The following ERO1A variants were observed in gnomAD, a reference collection of about 807,000 sequenced individuals.
ERO1A encodes the protein endoplasmic reticulum oxidoreductase 1 alpha.
A neutral mutation model predicts 76.9 loss-of-function variants in ERO1A; 49 were observed. The observed-to-expected ratio is 0.64, with a 90% CI of 0.51 to 0.81. The LOEUF is 0.81. Ranked by LOEUF, ERO1A falls within the 30% of genes least tolerant of loss-of-function variation. The pLI is 0.00. For missense variants in ERO1A, 448 were observed against 542.1 expected (o/e 0.83, Z 1.72); for synonymous variants, 174 against 181.2 (o/e 0.96, Z 0.32).
chr14:52,661,331 A>C (rs1181104788), intron 8 of ERO1A, 27 bp from the exon 9 acceptor site: 1 of 1,417,478 alleles, frequency 7.1e-7, no homozygotes, highest in East Asian at 2.6e-5. Flanking sequence ...AATGTTTATT[A>C]AAATAAATTC....
At chr14:52,652,544 T>A (rs977075354) in intron 12 of ERO1A, among the ~76,000 whole-genome samples, 1 of 152,050 alleles carries the variant, frequency 6.6e-6, no homozygotes, top group African/African-American at 2.4e-5. Context: ...TAATACATTA[T>A]CAAATACTAA....
intron 1 of ERO1A, among the ~76,000 whole-genome samples, chr14:52,691,676 T>G (rs1324679048): frequency 3.3e-5 from 5 of 152,144 alleles, no homozygotes; most frequent in Admixed American, 3.3e-4. Flanking sequence ...ATTTTTGGAG[T>G]ATTTATTTTG....
rs781494554 is a variant in ERO1A at position 52,652,255 on chromosome 14, T to G, written c.1109A>C (p.Glu370Ala). 2.1e-5 allele frequency: 33 copies of G among 1,606,534 alleles called. No homozygotes were observed. Among genetic ancestry groups the G allele is most frequent in the African/African-American group, 4.0e-5 (3 of 74,776 alleles). The change falls in exon 13 of 16, where the codon GAA (glutamate) becomes GCA (alanine). Residue 370 changes from glutamate to alanine, a missense_variant. Physicochemically the swap from Glu to Ala is moderately radical, Grantham distance 107. Transcript: ENST00000395686. Reference sequence around the variant, plus strand: ...AGTAATTACCTTTAGTTTGTGTGCTTCTTTTTTATCCCCAGCAAAAAATGA... The same window carrying G: ...AGTAATTACCTTTAGTTTGTGTGCTGCTTTTTTATCCCCAGCAAAAAATGA... ...ENSFFAGDKK[E>A]AHKLKEDFRL... is the part of the protein sequence containing the mutation.
chr14:52,679,180 C>A (rs957878701), intron 3 of ERO1A, among the ~76,000 whole-genome samples: 1 of 152,070 alleles, frequency 6.6e-6, no homozygotes, highest in Admixed American at 6.6e-5. Flanking sequence ...AAATAAGCCT[C>A]TTTTCTTTAT....
At chr14:52,684,150 C>CACACAGAGAG (rs879218530) in intron 1 of ERO1A, among the ~76,000 whole-genome samples, 1 of 139,278 alleles carries the variant, frequency 7.2e-6, no homozygotes, top group Non-Finnish European at 1.6e-5. Context: ...CACACACACA[C>CACACAGAGAG]AGAGAGAGTT....
At position 52,640,158 on chromosome 14, in the gene ERO1A, AC is replaced by A. The variant is rs1172586536; in HGVS notation, c.*3411del. On this transcript the variant is annotated 3_prime_UTR_variant, in exon 16 of 16. Transcript: ENST00000395686. ...TCCTTTTCCTGCCCTTAAGGAGCTCACATTCTAGTAAAGACTTTTGAAAAAT... is the reference window on the plus strand; with the variant it reads ...TCCTTTTCCTGCCCTTAAGGAGCTCAATTCTAGTAAAGACTTTTGAAAAAT... 1 of 152,264 alleles carries A rather than the reference AC, an allele frequency of 6.6e-6. No homozygotes were observed. Among genetic ancestry groups the A allele is most frequent in the African/African-American group, 2.4e-5 (1 of 41,470 alleles). The allele number at this position is 152,264 out of a possible 1,614,324, so 9.4% of individuals were successfully genotyped here.
chr14:52,680,431 C>G (rs975831496), intron 3 of ERO1A, among the ~76,000 whole-genome samples: 4 of 152,096 alleles, frequency 2.6e-5, no homozygotes, highest in Admixed American at 6.6e-5. Flanking sequence ...ATGGTGTCCC[C>G]TAGTTCTACA....
chr14:52,657,966 GC>G lies in ERO1A; in HGVS notation c.758del (p.Gly253AlafsTer10). The G allele has an allele frequency of 6.2e-7, 1 of 1,612,276 alleles. No homozygotes were observed. The highest frequency in any genetic ancestry group is 8.5e-7 in the Non-Finnish European group (1 of 1,179,214). On this transcript the variant is annotated frameshift_variant, in exon 11 of 16. Transcript: ENST00000395686. LOFTEE classifies it high-confidence loss of function. ...EKRAFYRLIS[G>X]LHASINVHLS... ...AATGCACATTAATGCTTGCATGTAG[GC>G]CAGATATAAGTCTGTAGAATGCTCT...
intron 6 of ERO1A, among the ~76,000 whole-genome samples, chr14:52,670,956 T>C (rs1797681168): frequency 6.6e-6 from 1 of 152,216 alleles, no homozygotes; most frequent in Non-Finnish European, 1.5e-5. Context: ...TTGCCAGAAC[T>C]TTTCCAGCAC....
chr14:52,663,663 G>A (rs1033432949), intron 8 of ERO1A, 138 bp downstream of exon 8: 21 of 523,170 alleles, frequency 4.0e-5, no homozygotes, highest in Non-Finnish European at 4.9e-5. Context: ...CTCTGCAAGC[G>A]TGAGGCATAA....
chr14:52,646,395 G>A lies in ERO1A; in HGVS notation c.1192C>T (p.Arg398Cys), dbSNP rs758333053. ...IMDCVGCFKCRLWGKLQTQGL... is the reference protein window; with the variant it reads ...IMDCVGCFKCCLWGKLQTQGL... The stretch of plus-strand genomic sequence containing the variant: ...CTTACCTGAAGCTTTCCCCACAGAC[G>A]ACATTTAAAACAACCAACACAATCC... The change falls in exon 14 of 16, where the codon CGT (arginine) becomes TGT (cysteine). Residue 398 changes from arginine (R) to cysteine (C), a missense_variant. By Grantham distance (180) the Arg-to-Cys change is radical. Transcript: ENST00000395686. 46 of 1,613,236 alleles carry A rather than the reference G, an allele frequency of 2.9e-5. No homozygotes were observed. Among genetic ancestry groups the A allele is most frequent in the African/African-American group, 4.0e-5 (3 of 74,868 alleles).
At chr14:52,681,103 G>A (rs1016827272) in intron 3 of ERO1A, among the ~76,000 whole-genome samples, 5 of 152,014 alleles carry the variant, frequency 3.3e-5, no homozygotes, top group Middle Eastern at 3.2e-3. Flanking sequence ...AAAAACAAAC[G>A]GAACTAACAC....
In ERO1A at chr14:52,653,296, T is replaced by C; in HGVS notation, c.828A>G (p.Lys276=). ...GAAATTCTGTAATGTTGTGTCCCCA[T>C]TTCTTTTCTAACCAGGTCTCTAAGA... ...YLLQETWLEK[K]WGHNITEFQQ... The change falls in exon 12 of 16, where the codon AAA becomes AAG. Residue 276 remains lysine (K), a synonymous_variant. Coordinates refer to ENST00000395686, the MANE Select transcript of ERO1A (RefSeq NM_014584.3). The C allele has an allele frequency of 6.2e-7, 1 of 1,603,562 alleles. No individual in the cohort carries two copies. Among genetic ancestry groups the C allele is most frequent in the Non-Finnish European group, 8.5e-7 (1 of 1,175,916 alleles).
intron 13 of ERO1A, among the ~76,000 whole-genome samples, chr14:52,650,855 C>G (rs529195108): frequency 6.6e-6 from 1 of 152,106 alleles, no homozygotes; most frequent in Non-Finnish European, 1.5e-5. Context: ...GATGGTCTTG[C>G]CTGAGGTCAG....
At chr14:52,646,540 G>T in intron 13 of ERO1A, 79 bp from the exon 14 acceptor site, 2 of 1,086,510 alleles carry the variant, frequency 1.8e-6, no homozygotes, top group Non-Finnish European at 2.7e-6. Flanking sequence ...GGTTCTATGT[G>T]CCTAACACTG....
chr14:52,669,906 T>A (rs1177771235), intron 6 of ERO1A, among the ~76,000 whole-genome samples: 1 of 152,204 alleles, frequency 6.6e-6, no homozygotes, highest in Non-Finnish European at 1.5e-5. Flanking sequence ...AGAATTTATA[T>A]CACTGTTTTC....
chr14:52,668,569 G>GAAATA (rs1467713521), intron 6 of ERO1A, among the ~76,000 whole-genome samples: 1 of 151,270 alleles, frequency 6.6e-6, no homozygotes, highest in African/African-American at 2.4e-5. Flanking sequence ...AAATAAAAAT[G>GAAATA]AAATAAAATA....
At chr14:52,666,609 G>A in intron 6 of ERO1A, 114 bp from the exon 7 acceptor site, 1 of 1,013,190 alleles carries the variant, frequency 9.9e-7, no homozygotes, top group East Asian at 2.9e-5. Context: ...CAATGTGTCA[G>A]GAATTTTAAA....
intron 9 of ERO1A, among the ~76,000 whole-genome samples, chr14:52,660,508 T>C (rs2040196361): frequency 6.6e-6 from 1 of 152,212 alleles, no homozygotes; most frequent in Non-Finnish European, 1.5e-5. Flanking sequence ...AAACAATTTC[T>C]CTTCCAAACA....
Sources: gnomAD v4.1 joint callset for allele counts (sites outside exome capture counted in the v4.1 genomes callset) on GRCh38, gnomAD v4.1.1 for gene constraint, MANE v1.5 for transcripts, NCBI Gene and HGNC (gene_info 2026-07-23, HGNC 2026-07-21) for gene names.